The following TMEM117 variants were observed in gnomAD, a reference collection of about 807,000 sequenced individuals.
TMEM117 encodes transmembrane protein 117.
A neutral mutation model predicts 52.4 loss-of-function variants in TMEM117; 27 were observed. The observed-to-expected ratio is 0.51, with a 90% CI of 0.38 to 0.71. TMEM117 has a LOEUF of 0.71. Among genes scored for constraint, TMEM117 ranks in the 30% least tolerant of loss-of-function variants. The pLI is 0.00. For synonymous variants in TMEM117, 215 were observed against 206.3 expected, an observed-to-expected ratio of 1.04 and a Z score of -0.36; for missense variants, 556 against 630.5, an observed-to-expected ratio of 0.88 and a Z score of 1.26.
chr12:43,855,585 G>A (rs1943386853), intron 2 of TMEM117, among the ~76,000 whole-genome samples: 1 of 152,116 alleles, frequency 6.6e-6, no homozygotes, highest in Non-Finnish European at 1.5e-5. Context: ...TATTTTCTAT[G>A]TACCTATGTC....
intron 2 of TMEM117, among the ~76,000 whole-genome samples, chr12:43,846,596 G>T (rs977974110): frequency 6.6e-6 from 1 of 152,172 alleles, no homozygotes; most frequent in Non-Finnish European, 1.5e-5. Context: ...AGCAGGCAAG[G>T]TCTTTGCCTT....
chr12:43,804,527 T>C, the TMEM117 span: 24 of 1,602,098 alleles, frequency 1.5e-5, 1 homozygote, highest in South Asian at 2.4e-4. Context: ...AAGTCTGTAC[T>C]TTCCATTTCT....
At chr12:44,398,667 A>G in the TMEM117 span, among the ~76,000 whole-genome samples, 2 of 152,180 alleles carry the variant, frequency 1.3e-5, no homozygotes, top group African/African-American at 4.8e-5. Flanking sequence ...GGGGCAGGCT[A>G]CTGGGACACC....
At chr12:43,816,607 G>C in the TMEM117 span, among the ~76,000 whole-genome samples, 3 of 152,200 alleles carry the variant, frequency 2.0e-5, no homozygotes, top group East Asian at 5.8e-4. Flanking sequence ...GGCAGAACAG[G>C]GATTTTGATA....
chr12:43,999,336 G>C (rs963252753), intron 3 of TMEM117, among the ~76,000 whole-genome samples: 4 of 152,204 alleles, frequency 2.6e-5, no homozygotes, highest in African/African-American at 9.7e-5. Context: ...ACTTTCTTGT[G>C]ACCATGAGGC....
chr12:44,394,878 G>A, the TMEM117 span, among the ~76,000 whole-genome samples: 1 of 152,256 alleles, frequency 6.6e-6, no homozygotes, highest in Non-Finnish European at 1.5e-5. Flanking sequence ...AGCTCACCTT[G>A]GCAGCCTGTG....
chr12:44,398,631 G>A, the TMEM117 span, among the ~76,000 whole-genome samples: 66 of 152,276 alleles, frequency 4.3e-4, no homozygotes, highest in East Asian at 0.011. Context: ...GGAGGAGCTG[G>A]CTCCTGAGAA....
At chr12:44,204,269 A>G (rs1045793710) in intron 4 of TMEM117, among the ~76,000 whole-genome samples, 5 of 152,202 alleles carry the variant, frequency 3.3e-5, no homozygotes, top group Non-Finnish European at 7.3e-5. Context: ...CTGTATGTCA[A>G]TAATGTCCAA....
intron 5 of TMEM117, among the ~76,000 whole-genome samples, chr12:44,264,584 G>T (rs112713205): frequency 2.6e-5 from 4 of 152,230 alleles, no homozygotes; most frequent in South Asian, 2.1e-4. Flanking sequence ...CCACCTAATT[G>T]CTGCAAGGGA....
At chr12:44,310,509 A>G (rs1234085551) in intron 6 of TMEM117, among the ~76,000 whole-genome samples, 1 of 152,202 alleles carries the variant, frequency 6.6e-6, no homozygotes, top group African/African-American at 2.4e-5. Flanking sequence ...GTGGTGGCAT[A>G]TGCCTATAAT....
the TMEM117 span, among the ~76,000 whole-genome samples, chr12:43,814,934 G>A: frequency 5.3e-5 from 8 of 151,732 alleles, no homozygotes; most frequent in Non-Finnish European, 1.2e-4. Flanking sequence ...TAGTAGAGAC[G>A]GGGTTTCACC....
At chr12:44,394,974 G>T in the TMEM117 span, among the ~76,000 whole-genome samples, 2 of 152,122 alleles carry the variant, frequency 1.3e-5, no homozygotes, top group Non-Finnish European at 2.9e-5. Context: ...TCACCATATA[G>T]ACTTATTTGC....
the TMEM117 span, among the ~76,000 whole-genome samples, chr12:43,823,109 A>G: frequency 6.6e-5 from 10 of 152,174 alleles, no homozygotes; most frequent in Admixed American, 1.3e-4. Flanking sequence ...TTTATTATAA[A>G]AATTTGAGGA....
intron 2 of TMEM117, among the ~76,000 whole-genome samples, chr12:43,931,983 T>A (rs1051955759): frequency 7.2e-5 from 11 of 152,202 alleles, no homozygotes; most frequent in African/African-American, 2.7e-4. Context: ...ATTTTAAGTT[T>A]GCTTACTGGT....
In TMEM117 at chr12:44,237,301, G is replaced by A. The variant is rs541582559; in HGVS notation, c.608+25914G>A. On this transcript the variant is annotated intron_variant, in intron 5 of 7. Coordinates refer to ENST00000266534, the MANE Select transcript of TMEM117 (RefSeq NM_032256.3). ...TCAGTAAAGGCTTCTGAAGCCCCCG[G>A]ACGTTGTTCGAATAGGTTTTTTTTT... Among the ~76,000 whole-genome samples, 25 of 151,952 alleles carry A rather than the reference G, an allele frequency of 1.6e-4. 1 individual carries two copies. Among genetic ancestry groups the A allele is most frequent in the African/African-American group, 5.8e-4 (24 of 41,490 alleles).
chr12:44,182,515 A>G (rs1949217129), intron 4 of TMEM117, among the ~76,000 whole-genome samples: 1 of 152,200 alleles, frequency 6.6e-6, no homozygotes, highest in Non-Finnish European at 1.5e-5. Context: ...CTTCATGCTA[A>G]AAACTCTCAA....
At chr12:44,291,043 T>A (rs2138620600) in intron 5 of TMEM117, among the ~76,000 whole-genome samples, 1 of 152,278 alleles carries the variant, frequency 6.6e-6, no homozygotes, top group Non-Finnish European at 1.5e-5. Context: ...CCATTGGAAT[T>A]TTTATAGGGA....
chr12:44,297,873 ATTAG>A (rs1407450200), intron 5 of TMEM117, among the ~76,000 whole-genome samples: 3 of 152,172 alleles, frequency 2.0e-5, no homozygotes, highest in African/African-American at 7.2e-5. Flanking sequence ...AGTTATAATA[ATTAG>A]TTAGAACTTC....
chr12:44,257,745 A>G (rs1477846963), intron 5 of TMEM117, among the ~76,000 whole-genome samples: 1 of 152,152 alleles, frequency 6.6e-6, no homozygotes. Flanking sequence ...TACAGGAGAC[A>G]CAGCTTATTT....
Sources: gnomAD v4.1 joint callset for allele counts (sites outside exome capture counted in the v4.1 genomes callset) on GRCh38, gnomAD v4.1.1 for gene constraint, MANE v1.5 for transcripts, NCBI Gene and HGNC (gene_info 2026-07-23, HGNC 2026-07-21) for gene names.